Variants in RBM28 observed in about 807,000 individuals in gnomAD.
RBM28 encodes RNA-binding protein 28.
A neutral mutation model predicts 98.3 loss-of-function variants in RBM28; 78 were observed. That is an observed-to-expected ratio of 0.79 (90% CI 0.66 to 0.96). RBM28 has a LOEUF of 0.96. Among genes scored for constraint, RBM28 ranks in the 40% least tolerant of loss-of-function variants. RBM28 has a pLI of 0.00. For synonymous variants in RBM28, 306 were observed against 330.9 expected, an observed-to-expected ratio of 0.92 and a Z score of 0.82; for missense variants, 838 against 913.0, an observed-to-expected ratio of 0.92 and a Z score of 1.06.
intron 14 of RBM28, among the ~76,000 whole-genome samples, chr7:128,319,438 C>T (rs1002308221): frequency 1.3e-5 from 2 of 152,174 alleles, no homozygotes. Flanking sequence ...ACTGTCCCTC[C>T]CCTATAACCA....
intron 18 of RBM28, 187 bp downstream of exon 18, chr7:128,312,988 C>A: frequency 3.2e-6 from 2 of 628,314 alleles, no homozygotes; most frequent in South Asian, 3.8e-5. Context: ...GGAACAGATA[C>A]GTGGAGGTTC....
In RBM28 at chr7:128,303,955, G is replaced by A. The variant is rs1250973986; in HGVS notation, c.*6842C>T. The A allele has an allele frequency of 6.6e-6, 1 of 152,184 alleles. No individual in the cohort carries two copies. The highest frequency in any genetic ancestry group is 2.4e-5 in the African/African-American group (1 of 41,432). 9.4% of individuals were successfully genotyped at this position (152,184 alleles called of 1,614,324 possible). A position where few individuals can be genotyped will look rare whatever the true frequency, so the allele number is the denominator to read the frequency against. Reference sequence around the variant, plus strand: ...ATAGTTTCGAGGGAAGGATAAGAAAGAGAGTCGGGAAGGCTGGGCAGAACA... The same window carrying A: ...ATAGTTTCGAGGGAAGGATAAGAAAAAGAGTCGGGAAGGCTGGGCAGAACA... On this transcript the variant is annotated 3_prime_UTR_variant, in exon 19 of 19. Transcript: ENST00000223073.
chr7:128,325,827 T>C lies in RBM28; in HGVS notation c.1194A>G (p.Pro398=), dbSNP rs772275688. ...GAAATATCTTCCTTACCTCATTCTC[T>C]GGAGAAGCAGCTAGAAGGCATTTCT... ...AAQKCLLAAS[P]ENEAGGLKLD... is the part of the protein sequence containing the mutation. The change falls in exon 11 of 19, where the codon CCA becomes CCG. Residue 398 remains proline, a synonymous_variant. Coordinates refer to ENST00000223073, the MANE Select transcript of RBM28 (RefSeq NM_018077.3). The C allele has an allele frequency of 2.2e-5, 36 of 1,613,006 alleles. No homozygotes were observed. Among genetic ancestry groups the C allele is most frequent in the East Asian group, 2.2e-4 (10 of 44,892 alleles).
intron 8 of RBM28, among the ~76,000 whole-genome samples, chr7:128,334,033 ATG>A (rs1270462723): frequency 2.0e-5 from 3 of 152,230 alleles, no homozygotes; most frequent in African/African-American, 4.8e-5. Context: ...GAATGTGTAT[ATG>A]TGTGTGTATA....
chr7:128,342,681 T>TA lies in RBM28; in HGVS notation c.118+994dup, dbSNP rs879672091. 4.0e-3 allele frequency among the ~76,000 whole-genome samples: 576 copies of TA among 144,102 alleles called. 3 individuals are homozygous for TA. The highest frequency in any genetic ancestry group is 6.6e-3 in the African/African-American group (262 of 39,426). 94.5% of individuals were successfully genotyped at this position (144,102 alleles called of 152,430 possible). A position where few individuals can be genotyped will look rare whatever the true frequency, so the allele number is the denominator to read the frequency against. On this transcript the variant is annotated intron_variant, in intron 1 of 18. Transcript: ENST00000223073. ...GGGCGACAGAGCAAGACGCAGTCTT[T>TA]AAAAAAAAAAAAAAATCTTACATGA...
At chr7:128,313,094 G>C (rs1383227260) in intron 18 of RBM28, 81 bp downstream of exon 18, 1 of 1,366,092 alleles carries the variant, frequency 7.3e-7, no homozygotes, top group Admixed American at 1.8e-5. Context: ...TTTCTTTTTT[G>C]CTCAACTAAC....
chr7:128,328,526 T>A (rs979021028), intron 10 of RBM28, among the ~76,000 whole-genome samples: 3 of 152,192 alleles, frequency 2.0e-5, no homozygotes, highest in Non-Finnish European at 2.9e-5. Context: ...ACATTTTTTT[T>A]AAATGATTAA....
chr7:128,314,885 C>A lies in RBM28; in HGVS notation c.1924G>T (p.Ala642Ser), dbSNP rs201232253. 6.2e-7 allele frequency: 1 copy of A among 1,614,162 alleles called. No individual in the cohort carries two copies. The highest frequency in any genetic ancestry group is 8.5e-7 in the Non-Finnish European group (1 of 1,180,024). Residue 642 changes from alanine to serine, a missense_variant, in exon 17 of 19, where the codon GCG becomes TCG. Coordinates refer to ENST00000223073, the MANE Select transcript of RBM28 (RefSeq NM_018077.3). ...SKVPPEQKRK[A>S]GSTSWTGFQT... ...AACCCGGTCCATGAGGTAGAGCCCG[C>A]CTTTCTCTTCTGCTCTGGGGGCACC... is the stretch of plus-strand genomic sequence containing the variant.
chr7:128,343,842 C>G lies in RBM28; in HGVS notation c.-49G>C. On this transcript the variant is annotated 5_prime_UTR_variant, in exon 1 of 19. Transcript: ENST00000223073. The stretch of plus-strand genomic sequence containing the variant: ...TGAGGACGCGAGCAAACTAGGCCGG[C>G]GCACGCGAGCCGAAACGCTGGCTTT... 1 of 1,362,150 alleles carries G rather than the reference C, an allele frequency of 7.3e-7. No homozygotes were observed. Among genetic ancestry groups the G allele is most frequent in the Non-Finnish European group, 1.0e-6 (1 of 998,132 alleles). 84.4% of individuals were successfully genotyped at this position (1,362,150 alleles called of 1,614,324 possible).
chr7:128,305,809 G>A lies in RBM28; in HGVS notation c.*4988C>T, dbSNP rs1416579023. 6.6e-6 allele frequency: 1 copy of A among 152,322 alleles called. No homozygotes were observed. Among genetic ancestry groups the A allele is most frequent in the Non-Finnish European group, 1.5e-5 (1 of 68,122 alleles). The allele number at this position is 152,322 out of a possible 1,614,324, so 9.4% of individuals were successfully genotyped here. A position where few individuals can be genotyped will look rare whatever the true frequency, so the allele number is the denominator to read the frequency against. ...CCAAGGCCCAGACCACAATGCAGGGGAGAGGGAGAAAAGGGGTGGAAGAGT... is the reference window on the plus strand; with the variant it reads ...CCAAGGCCCAGACCACAATGCAGGGAAGAGGGAGAAAAGGGGTGGAAGAGT... On this transcript the variant is annotated 3_prime_UTR_variant, in exon 19 of 19. Coordinates refer to ENST00000223073, the MANE Select transcript of RBM28 (RefSeq NM_018077.3).
At chr7:128,339,935 G>C in intron 1 of RBM28, 144 bp from the exon 2 acceptor site, 1 of 970,616 alleles carries the variant, frequency 1.0e-6, no homozygotes, top group Non-Finnish European at 1.5e-6. Flanking sequence ...TTTGCCAAAA[G>C]TCTCAGGAGG....
intron 17 of RBM28, among the ~76,000 whole-genome samples, chr7:128,313,613 A>G (rs1417731517): frequency 2.6e-5 from 4 of 152,170 alleles, no homozygotes; most frequent in African/African-American, 9.7e-5. Flanking sequence ...TGGGCAACAG[A>G]GCAAGACCCT....
chr7:128,325,132 T>C (rs1305847998), intron 11 of RBM28, among the ~76,000 whole-genome samples: 1 of 152,218 alleles, frequency 6.6e-6, no homozygotes. Flanking sequence ...AATTACGCTA[T>C]GGAAGCCAAG....
At chr7:128,318,642 G>C (rs1796157219) in intron 14 of RBM28, among the ~76,000 whole-genome samples, 1 of 151,954 alleles carries the variant, frequency 6.6e-6, no homozygotes, top group African/African-American at 2.4e-5. Context: ...CTAGCTTATA[G>C]ACATCAACAG....
chr7:128,300,576 T>C lies in RBM28; in HGVS notation c.*10221A>G, dbSNP rs2116293776. 1 of 152,376 alleles carries C rather than the reference T, an allele frequency of 6.6e-6. No homozygotes were observed. The highest frequency in any genetic ancestry group is 2.4e-5 in the African/African-American group (1 of 41,582). 9.4% of individuals were successfully genotyped at this position (152,376 alleles called of 1,614,324 possible). On this transcript the variant is annotated 3_prime_UTR_variant, in exon 19 of 19. Coordinates refer to ENST00000223073, the MANE Select transcript of RBM28 (RefSeq NM_018077.3). ...TAACATCATCCAACCCCTGACCTTGTGGTGAGGATCAAAGACGTTAATGCC... is the reference window on the plus strand; with the variant it reads ...TAACATCATCCAACCCCTGACCTTGCGGTGAGGATCAAAGACGTTAATGCC...
chr7:128,310,874 C>T lies in RBM28; in HGVS notation c.2203G>A (p.Glu735Lys), dbSNP rs757896814. Residue 735 changes from glutamate (E) to lysine (K), a missense_variant, in exon 19 of 19, where the codon GAA becomes AAA. Glu to Lys is a moderately conservative substitution (Grantham distance 56). Coordinates refer to ENST00000223073, the MANE Select transcript of RBM28 (RefSeq NM_018077.3). ...CCCAATAATTTCTGCTTATATTGTT[C>T]GACCAGCTGGTTGAAGCGGGTTTCC... Reference protein sequence around the residue: ...KTETRFNQLVEQYKQKLLGPS... With the variant: ...KTETRFNQLVKQYKQKLLGPS... 7 of 1,613,876 alleles carry T rather than the reference C, an allele frequency of 4.3e-6. No individual in the cohort carries two copies. The African/African-American group carries it at 5.3e-5, about 12-fold the overall frequency.
At chr7:128,322,413 T>C (rs1372871881) in intron 13 of RBM28, among the ~76,000 whole-genome samples, 3 of 152,222 alleles carry the variant, frequency 2.0e-5, no homozygotes, top group Non-Finnish European at 4.4e-5. Flanking sequence ...AAGTTTTCAA[T>C]TAAAAGTTTT....
rs372214455 is a variant in RBM28 at position 128,315,981 on chromosome 7, T to TTA, written c.1789-963_1789-962dup. Among the ~76,000 whole-genome samples, 481 of 152,212 alleles carry TTA rather than the reference T, an allele frequency of 3.2e-3. 3 individuals are homozygous for TTA. Among genetic ancestry groups the TTA allele is most frequent in the African/African-American group, 0.011 (460 of 41,548 alleles). Reference sequence around the variant, plus strand: ...TGTGGGAAGGAAGGCATCAAGGAAGTTATAGAAGTATTTGCACTGAAGTGG... The same window carrying TTA: ...TGTGGGAAGGAAGGCATCAAGGAAGTTATATAGAAGTATTTGCACTGAAGTGG... On this transcript the variant is annotated intron_variant, in intron 16 of 18. Coordinates refer to ENST00000223073, the MANE Select transcript of RBM28 (RefSeq NM_018077.3).
At chr7:128,341,977 T>C (rs359656) in intron 1 of RBM28, among the ~76,000 whole-genome samples, 2,164 of 152,268 alleles carry the variant, frequency 0.014, 58 homozygotes, top group African/African-American at 0.049. Flanking sequence ...GACAACGTAG[T>C]GAGACCCTGT....
Sources: gnomAD v4.1 joint callset for allele counts (sites outside exome capture counted in the v4.1 genomes callset) on GRCh38, gnomAD v4.1.1 for gene constraint, MANE v1.5 for transcripts, NCBI Gene and HGNC (gene_info 2026-07-23, HGNC 2026-07-21) for gene names.